The following EYA3 variants were observed in gnomAD, a reference collection of about 807,000 sequenced individuals.
EYA3 encodes EYA transcriptional coactivator and phosphatase 3.
Under a neutral mutation model 80.0 loss-of-function variants are expected in EYA3, and 39 were observed. That is an observed-to-expected ratio of 0.49 (90% CI 0.38 to 0.64). The LOEUF is 0.64. Ranked by LOEUF, EYA3 falls within the 30% of genes least tolerant of loss-of-function variation. The pLI is 0.00. For missense variants in EYA3, 523 were observed against 676.1 expected (o/e 0.77, Z 2.51); for synonymous variants, 206 against 232.8 (o/e 0.88, Z 1.05).
intron 7 of EYA3, among the ~76,000 whole-genome samples, chr1:28,022,388 T>C (rs1642500041): frequency 6.6e-6 from 1 of 151,980 alleles, no homozygotes; most frequent in Non-Finnish European, 1.5e-5. Context: ...GACCTCGTGA[T>C]CTGCCTGCAT....
At chr1:28,070,042 A>T (rs1644967905) in intron 1 of EYA3, among the ~76,000 whole-genome samples, 1 of 152,198 alleles carries the variant, frequency 6.6e-6, no homozygotes, top group African/African-American at 2.4e-5. Context: ...CCCTGATTTC[A>T]GACTTCTGGC....
intron 1 of EYA3, among the ~76,000 whole-genome samples, chr1:28,084,863 C>T (rs759429313): frequency 1.7e-4 from 25 of 151,400 alleles, no homozygotes; most frequent in Admixed American, 2.0e-4. Context: ...CCTGCCTTGG[C>T]CTCCCAAAGT....
chr1:28,011,703 A>T (rs2148790607), intron 9 of EYA3, among the ~76,000 whole-genome samples: 1 of 152,328 alleles, frequency 6.6e-6, no homozygotes. Context: ...AGTTTCTTCA[A>T]CAAACAAACT....
At chr1:27,996,749 T>C (rs1478628912) in intron 13 of EYA3, among the ~76,000 whole-genome samples, 3 of 152,262 alleles carry the variant, frequency 2.0e-5, no homozygotes, top group African/African-American at 7.2e-5. Context: ...CAGGTTTTTT[T>C]CTTATAAGTC....
At chr1:27,979,962 A>C (rs1639186430) in intron 16 of EYA3, among the ~76,000 whole-genome samples, 1 of 152,208 alleles carries the variant, frequency 6.6e-6, no homozygotes, top group Non-Finnish European at 1.5e-5. Flanking sequence ...TCCTTAACCC[A>C]GTGGCACTTC....
intron 2 of EYA3, among the ~76,000 whole-genome samples, chr1:28,054,684 C>T (rs75918349): frequency 0.04 from 6,058 of 152,196 alleles, 135 homozygotes; most frequent in Middle Eastern, 0.055. Flanking sequence ...CAGGGCAAAA[C>T]CCCGTGTCTA....
rs1444833219 is a variant in EYA3 at position 27,970,735 on chromosome 1, T to C, written c.*3731A>G. On this transcript the variant is annotated 3_prime_UTR_variant, in exon 18 of 18. Coordinates refer to ENST00000373871, the MANE Select transcript of EYA3 (RefSeq NM_001990.4). The stretch of plus-strand genomic sequence containing the variant: ...TATAGTGTGAATATCTGGGGAGTTC[T>C]AACTTCTGGATGAAAAAGGAAACCA... 2 of 152,252 alleles carry C rather than the reference T, an allele frequency of 1.3e-5. No individual in the cohort carries two copies. Among genetic ancestry groups the C allele is most frequent in the African/African-American group, 4.8e-5 (2 of 41,456 alleles). 9.4% of individuals were successfully genotyped at this position (152,252 alleles called of 1,614,324 possible). A position where few individuals can be genotyped will look rare whatever the true frequency, so the allele number is the denominator to read the frequency against.
At chr1:28,020,188 C>T (rs928550188) in intron 7 of EYA3, among the ~76,000 whole-genome samples, 1 of 152,074 alleles carries the variant, frequency 6.6e-6, no homozygotes, top group Non-Finnish European at 1.5e-5. Flanking sequence ...TATTATATCC[C>T]GGCTAGAAAG....
intron 1 of EYA3, among the ~76,000 whole-genome samples, chr1:28,069,130 T>TTTTA (rs150568082): frequency 8.7e-4 from 131 of 151,406 alleles, no homozygotes; most frequent in East Asian, 1.2e-3. Flanking sequence ...AAACAGGTAA[T>TTTTA]TTTATTTATT....
chr1:28,018,273 C>A (rs572063177), intron 7 of EYA3, among the ~76,000 whole-genome samples: 40 of 152,026 alleles, frequency 2.6e-4, no homozygotes, highest in African/African-American at 8.2e-4. Flanking sequence ...AAAATAAAGA[C>A]AAGTAATTTG....
intron 1 of EYA3, among the ~76,000 whole-genome samples, chr1:28,069,803 G>A (rs1480932743): frequency 4.6e-5 from 7 of 152,206 alleles, no homozygotes; most frequent in Non-Finnish European, 2.9e-5. Context: ...CTTTGCATAT[G>A]TTATTAAGGA....
intron 16 of EYA3, among the ~76,000 whole-genome samples, chr1:27,980,001 G>C (rs1416963862): frequency 6.6e-6 from 1 of 152,174 alleles, no homozygotes; most frequent in Non-Finnish European, 1.5e-5. Flanking sequence ...AACTGGACCA[G>C]ACACTAGATC....
At chr1:27,998,831 C>T (rs879771822) in intron 12 of EYA3, among the ~76,000 whole-genome samples, 2 of 152,066 alleles carry the variant, frequency 1.3e-5, no homozygotes, top group Non-Finnish European at 2.9e-5. Flanking sequence ...TGCAGTAGTG[C>T]AATCTTTGCT....
chr1:28,010,733 A>G, intron 10 of EYA3: 1 of 513,476 alleles, frequency 1.9e-6, no homozygotes, highest in East Asian at 3.5e-5. Context: ...CTTTCTGAAT[A>G]TGATGAATTG....
At chr1:27,988,251 G>C (rs528970470) in intron 16 of EYA3, among the ~76,000 whole-genome samples, 23 of 152,244 alleles carry the variant, frequency 1.5e-4, no homozygotes, top group African/African-American at 5.3e-4. Flanking sequence ...CTGTGAAAAA[G>C]AGAAACTTGA....
chr1:28,068,446 T>C (rs1162217335), intron 1 of EYA3, among the ~76,000 whole-genome samples: 34 of 152,158 alleles, frequency 2.2e-4, no homozygotes, highest in Admixed American at 2.2e-3. Flanking sequence ...TGATATAACA[T>C]CATGTTCTTA....
At chr1:28,022,647 T>C (rs1024417265) in intron 7 of EYA3, among the ~76,000 whole-genome samples, 1 of 152,220 alleles carries the variant, frequency 6.6e-6, no homozygotes, top group African/African-American at 2.4e-5. Flanking sequence ...TATATTTGTT[T>C]GCTCTGTCAG....
chr1:28,003,729 A>C (rs1249677907), intron 11 of EYA3, among the ~76,000 whole-genome samples: 1 of 152,096 alleles, frequency 6.6e-6, no homozygotes, highest in African/African-American at 2.4e-5. Flanking sequence ...ATTTGTATAA[A>C]ATTTATTCAT....
chr1:28,073,124 TA>T (rs1323238259), intron 1 of EYA3, among the ~76,000 whole-genome samples: 955 of 57,876 alleles, frequency 0.017, 19 homozygotes, highest in Non-Finnish European at 0.02. Flanking sequence ...TATATATATA[TA>T]TATTTTTTTT....
Sources: allele counts gnomAD v4.1 joint callset (sites outside exome capture counted in the v4.1 genomes callset), GRCh38; gene constraint gnomAD v4.1.1; transcripts MANE v1.5; gene names NCBI Gene and HGNC (gene_info 2026-07-23, HGNC 2026-07-21).